The following MBNL1 variants were observed in gnomAD, a reference collection of about 807,000 sequenced individuals.
MBNL1 encodes the protein muscleblind like splicing regulator 1.
A neutral mutation model predicts 42.2 loss-of-function variants in MBNL1; 8 were observed. The observed-to-expected ratio is 0.19, with a 90% CI of 0.11 to 0.34. The LOEUF is 0.34. MBNL1 is among the 10% of genes least tolerant of loss of function. The pLI, the probability that MBNL1 is intolerant of heterozygous loss-of-function variation, is 1.00. For missense variants in MBNL1, 309 were observed against 495.3 expected, an observed-to-expected ratio of 0.62 and a Z score of 3.57; for synonymous variants, 169 against 173.9, an observed-to-expected ratio of 0.97 and a Z score of 0.22.
intron 4 of MBNL1, among the ~76,000 whole-genome samples, chr3:152,441,225 TTTAAC>T (rs150453836): frequency 2.8e-4 from 43 of 152,338 alleles, no homozygotes; most frequent in African/African-American, 1.0e-3. Context: ...ATCCCAGTGC[TTTAAC>T]TTGAGAGCAT....
chr3:152,452,043 C>A (rs943344226), intron 6 of MBNL1, among the ~76,000 whole-genome samples: 3 of 152,224 alleles, frequency 2.0e-5, no homozygotes, highest in African/African-American at 7.2e-5. Context: ...GTAGCCCTTA[C>A]TGAACACCTA....
intron 2 of MBNL1, among the ~76,000 whole-genome samples, chr3:152,309,648 A>G (rs747130335): frequency 5.3e-5 from 8 of 152,208 alleles, no homozygotes; most frequent in Non-Finnish European, 8.8e-5. Flanking sequence ...ATCATTTTCA[A>G]TTTTCTGCAA....
In MBNL1 at chr3:152,431,593, A is replaced by G. The variant is rs573678362; in HGVS notation, c.346-1124A>G. ...TACATTCTAATGTCTCTTTTATTCT[A>G]AAGAGTCTTCTATAATTCTGTTCAT... On this transcript the variant is annotated intron_variant, in intron 3 of 9. Coordinates refer to ENST00000324210, the MANE Select transcript of MBNL1 (RefSeq NM_021038.5). Among the ~76,000 whole-genome samples the G allele has an allele frequency of 1.4e-3, 215 of 152,302 alleles. 2 individuals carry two copies. In the Middle Eastern group the frequency reaches 0.02, roughly 14 times the overall value.
At chr3:152,373,518 A>G (rs2096769486) in intron 2 of MBNL1, among the ~76,000 whole-genome samples, 1 of 152,094 alleles carries the variant, frequency 6.6e-6, no homozygotes, top group Non-Finnish European at 1.5e-5. Context: ...GGAATGCACC[A>G]TTCCTCATTG....
At chr3:152,317,847 C>T (rs908887309) in intron 2 of MBNL1, among the ~76,000 whole-genome samples, 3 of 152,128 alleles carry the variant, frequency 2.0e-5, no homozygotes, top group Non-Finnish European at 2.9e-5. Context: ...GACTTTATTT[C>T]GTTCATTTGG....
At chr3:152,392,578 G>A (rs2097767073) in intron 2 of MBNL1, among the ~76,000 whole-genome samples, 1 of 152,176 alleles carries the variant, frequency 6.6e-6, no homozygotes, top group Non-Finnish European at 1.5e-5. Context: ...TCAAAGCCTT[G>A]ATGTTGAGAT....
chr3:152,264,931 A>G (rs769538963), upstream of MBNL1: 4 of 152,058 alleles, frequency 2.6e-5, no homozygotes, highest in Admixed American at 6.6e-5. Context: ...TATACATAGT[A>G]TCTATTAGAA....
chr3:152,348,686 A>T (rs1182849418), intron 2 of MBNL1, among the ~76,000 whole-genome samples: 1 of 152,102 alleles, frequency 6.6e-6, no homozygotes, highest in Non-Finnish European at 1.5e-5. Flanking sequence ...AATAAAATAA[A>T]CTGAAGTGGG....
rs111919646 is a variant in MBNL1 at position 152,247,837 on chromosome 3, C to A, written n.333+3397C>A. Among the ~76,000 whole-genome samples, 1,080 of 151,312 alleles carry A rather than the reference C, an allele frequency of 7.1e-3. 16 individuals carry two copies. Among genetic ancestry groups the A allele is most frequent in the African/African-American group, 0.026 (1,053 of 41,270 alleles). On this transcript the variant is annotated intron_variant and non_coding_transcript_variant, in intron 2 of 2. Transcript: ENST00000477171. ...AATACCAGATTTGCATATTTAAATC[C>A]AAATTTAAATAAAAATGTCATTAGA...
upstream of MBNL1, chr3:152,266,889 A>G (rs2037324931): frequency 6.6e-6 from 1 of 152,306 alleles, no homozygotes; most frequent in African/African-American, 2.4e-5. Flanking sequence ...ACTTTCTGCA[A>G]TACAAGTCCA....
At chr3:152,310,644 A>G (rs2065828989) in intron 2 of MBNL1, among the ~76,000 whole-genome samples, 1 of 152,210 alleles carries the variant, frequency 6.6e-6, no homozygotes, top group South Asian at 2.1e-4. Flanking sequence ...TTCTTAATCT[A>G]GAAAGTCACT....
chr3:152,419,443 G>A (rs2098760940), intron 3 of MBNL1, among the ~76,000 whole-genome samples: 1 of 152,132 alleles, frequency 6.6e-6, no homozygotes, highest in African/African-American at 2.4e-5. Context: ...AAGCATGGTA[G>A]GGTGTCACCT....
At chr3:152,420,308 T>G (rs914631995) in intron 3 of MBNL1, among the ~76,000 whole-genome samples, 5 of 152,208 alleles carry the variant, frequency 3.3e-5, no homozygotes, top group Non-Finnish European at 4.4e-5. Flanking sequence ...CTGACCCCTG[T>G]GCCTCCTGAC....
intron 1 of MBNL1, among the ~76,000 whole-genome samples, chr3:152,287,166 G>A (rs2052986791): frequency 6.8e-6 from 1 of 147,970 alleles, no homozygotes; most frequent in African/African-American, 2.5e-5. Flanking sequence ...AGTGAGCCGA[G>A]ATCACACCAC....
At chr3:152,341,136 T>C (rs2093087717) in intron 2 of MBNL1, 3 of 455,550 alleles carry the variant, frequency 6.6e-6, no homozygotes, top group Admixed American at 4.0e-5. Flanking sequence ...TTAAAATGGG[T>C]AATTCTTTCA....
At chr3:152,272,753 C>T (rs1171738029) in intron 1 of MBNL1, among the ~76,000 whole-genome samples, 1 of 152,118 alleles carries the variant, frequency 6.6e-6, no homozygotes, top group Admixed American at 6.5e-5. Context: ...TACATGGAGA[C>T]ACTGTCTTTA....
At chr3:152,279,431 A>G (rs2047120737) in intron 1 of MBNL1, among the ~76,000 whole-genome samples, 2 of 152,110 alleles carry the variant, frequency 1.3e-5, no homozygotes, top group Admixed American at 1.3e-4. Context: ...TGTTTATGAC[A>G]TAGTAATTTT....
At chr3:152,356,759 A>T (rs1416868367) in intron 2 of MBNL1, among the ~76,000 whole-genome samples, 2 of 152,282 alleles carry the variant, frequency 1.3e-5, no homozygotes, top group East Asian at 3.9e-4. Context: ...TACAGGCGTG[A>T]GCCACCACAC....
chr3:152,459,353 C>A lies in MBNL1; in HGVS notation c.*18+8C>A, dbSNP rs547185626. 17 of 1,481,040 alleles carry A rather than the reference C, an allele frequency of 1.1e-5. No individual in the cohort carries two copies. The African/African-American group carries it at 1.4e-4, about 12-fold the overall frequency. 91.7% of individuals were successfully genotyped at this position (1,481,040 alleles called of 1,614,324 possible). ...AATTTTCATCACTAAACAGTAAGTTCATTATGTAATATATAGTTGCATATT... is the reference window on the plus strand; with the variant it reads ...AATTTTCATCACTAAACAGTAAGTTAATTATGTAATATATAGTTGCATATT... On this transcript the variant is annotated splice_region_variant and intron_variant, in intron 9 of 9. Coordinates refer to ENST00000324210, the MANE Select transcript of MBNL1 (RefSeq NM_021038.5).
Sources: gnomAD v4.1 joint callset for allele counts (sites outside exome capture counted in the v4.1 genomes callset) on GRCh38, gnomAD v4.1.1 for gene constraint, MANE v1.5 for transcripts, NCBI Gene and HGNC (gene_info 2026-07-23, HGNC 2026-07-21) for gene names.